The following AKR1B15 variants were observed in gnomAD, a reference collection of about 807,000 sequenced individuals.
AKR1B15 encodes estradiol 17-beta-dehydrogenase AKR1B15.
A neutral mutation model predicts 38.5 loss-of-function variants in AKR1B15; 49 were observed. The observed-to-expected ratio is 1.27, with a 90% CI of 1.01 to 1.62. The LOEUF (loss-of-function observed/expected upper bound fraction) is 1.62, where lower values mean the gene tolerates loss of function less well. Ranked by LOEUF, AKR1B15 falls within the 40% of genes most tolerant of loss-of-function variation. The pLI, the probability that AKR1B15 is intolerant of heterozygous loss-of-function variation, is 0.00. For missense variants in AKR1B15, 411 were observed against 381.6 expected (o/e 1.08, Z -0.64); for synonymous variants, 137 against 135.5 (o/e 1.01, Z -0.08).
chr7:134,559,416 A>C (rs866524377), intron 2 of AKR1B15, among the ~76,000 whole-genome samples: 2 of 152,158 alleles, frequency 1.3e-5, no homozygotes, highest in African/African-American at 2.4e-5. Context: ...AAAAAACTCC[A>C]ACTAGTCCCT....
In AKR1B15 at chr7:134,571,667, T is replaced by C; in HGVS notation, c.499T>C (p.Leu167=). ...GNMISGKGTF[L]DAWEAMEELV... is the part of the protein sequence containing the mutation. ...TATGATCAGTGGAAAAGGAACGTTC[T>C]TGGATGCCTGGGAGGTAGGTTCCAG... The change falls in exon 6 of 12, where the codon TTG becomes CTG. Residue 167 remains leucine, a synonymous_variant. Transcript: ENST00000457545. 2 of 1,613,732 alleles carry C rather than the reference T, an allele frequency of 1.2e-6. No homozygotes were observed. Among genetic ancestry groups the C allele is most frequent in the Non-Finnish European group, 1.7e-6 (2 of 1,179,798 alleles).
intron 2 of AKR1B15, among the ~76,000 whole-genome samples, chr7:134,560,645 T>C (rs1312225649): frequency 2.0e-5 from 3 of 152,178 alleles, no homozygotes; most frequent in African/African-American, 7.2e-5. Context: ...GTGCATCACA[T>C]GAAAATGGTC....
intron 1 of AKR1B15, among the ~76,000 whole-genome samples, chr7:134,549,634 A>G (rs1793896917): frequency 1.3e-5 from 2 of 152,130 alleles, no homozygotes; most frequent in African/African-American, 4.8e-5. Context: ...AGCTCGATCC[A>G]AGCCAGGGGT....
At chr7:134,574,859 C>G (rs1337473993) in intron 6 of AKR1B15, among the ~76,000 whole-genome samples, 4 of 152,182 alleles carry the variant, frequency 2.6e-5, no homozygotes, top group Non-Finnish European at 4.4e-5. Context: ...GGTGCCCCTG[C>G]TAGGGCGTAA....
At position 134,549,185 on chromosome 7, in the gene AKR1B15, G is replaced by A. The variant is rs777231792; in HGVS notation, c.-211G>A. 6 of 152,488 alleles carry A rather than the reference G, an allele frequency of 3.9e-5. No individual in the cohort carries two copies. The highest frequency in any genetic ancestry group is 8.8e-5 in the Non-Finnish European group (6 of 68,090). 9.4% of individuals were successfully genotyped at this position (152,488 alleles called of 1,614,324 possible). On this transcript the variant is annotated 5_prime_UTR_variant, in exon 1 of 12. Coordinates refer to ENST00000457545, the MANE Select transcript of AKR1B15 (RefSeq NM_001080538.3). Reference sequence around the variant, plus strand: ...AGGCCACTGTCTTCTGGAGGGGAACGGATCGACTGCCGGTGCGCCCAGCCA... The same window carrying A: ...AGGCCACTGTCTTCTGGAGGGGAACAGATCGACTGCCGGTGCGCCCAGCCA...
chr7:134,566,453 C>A (rs1319427124), intron 3 of AKR1B15, among the ~76,000 whole-genome samples: 2 of 152,180 alleles, frequency 1.3e-5, no homozygotes, highest in Non-Finnish European at 2.9e-5. Flanking sequence ...GTCGTGAGCT[C>A]CACCCGGCTG....
chr7:134,549,441 T>C (rs571176882), intron 1 of AKR1B15, among the ~76,000 whole-genome samples, 192 bp downstream of exon 1: 2 of 152,248 alleles, frequency 1.3e-5, no homozygotes, highest in Admixed American at 6.5e-5. Context: ...AGATCTCTGT[T>C]TTAGAATGGG....
chr7:134,577,003 T>C lies in AKR1B15; in HGVS notation c.866T>C (p.Ile289Thr). 1 of 1,613,964 alleles carries C rather than the reference T, an allele frequency of 6.2e-7. No individual in the cohort carries two copies. Among genetic ancestry groups the C allele is most frequent in the Non-Finnish European group, 8.5e-7 (1 of 1,179,868 alleles). The change falls in exon 10 of 12, where the codon ATC (isoleucine) becomes ACC (threonine). Residue 289 changes from isoleucine (I) to threonine (T), a missense_variant. Transcript: ENST00000457545. ...CATATCCAGAGGAATGTGACAGTGATCCCCAAGTCTATGACACCAGCACAC... is the reference window on the plus strand; with the variant it reads ...CATATCCAGAGGAATGTGACAGTGACCCCCAAGTCTATGACACCAGCACAC... The part of the protein sequence containing the change: ...RFHIQRNVTV[I>T]PKSMTPAHIV...
intron 2 of AKR1B15, among the ~76,000 whole-genome samples, chr7:134,562,838 CTTTCTTTCTT>C (rs1265691814): frequency 3.8e-4 from 18 of 47,574 alleles, no homozygotes; most frequent in African/African-American, 1.7e-3. Flanking sequence ...CTTTCTCTTT[CTTTCTTTCTT>C]TCTTTCTTTC....
intron 1 of AKR1B15, among the ~76,000 whole-genome samples, chr7:134,552,370 ACT>A (rs1794015575): frequency 1.3e-5 from 2 of 151,670 alleles, no homozygotes; most frequent in Non-Finnish European, 2.9e-5. Context: ...GGCTTTACAG[ACT>A]CTGTTTCCTC....
At chr7:134,576,245 A>T in intron 8 of AKR1B15, 104 bp from the exon 9 acceptor site, 1 of 1,254,746 alleles carries the variant, frequency 8.0e-7, no homozygotes, top group Admixed American at 2.2e-5. Flanking sequence ...TGTCTCCCAG[A>T]TGGAGAGGCT....
At chr7:134,571,510 G>A (rs1162638208) in intron 5 of AKR1B15, 94 bp from the exon 6 acceptor site, 1 of 896,542 alleles carries the variant, frequency 1.1e-6, no homozygotes, top group East Asian at 2.4e-5. Flanking sequence ...ATGCAGATGT[G>A]GTATTTAGCA....
At chr7:134,551,343 C>G (rs975436634) in intron 1 of AKR1B15, among the ~76,000 whole-genome samples, 10 of 152,152 alleles carry the variant, frequency 6.6e-5, no homozygotes, top group Non-Finnish European at 1.5e-5. Flanking sequence ...TTTATGTCCC[C>G]TTCTCTACTT....
chr7:134,574,212 T>C (rs1794717763), intron 6 of AKR1B15, among the ~76,000 whole-genome samples: 1 of 152,162 alleles, frequency 6.6e-6, no homozygotes, highest in South Asian at 2.1e-4. Flanking sequence ...CAAAGCTCAC[T>C]AGTGATTCCA....
intron 6 of AKR1B15, 120 bp downstream of exon 6, chr7:134,571,801 T>A: frequency 1.2e-6 from 1 of 808,074 alleles, no homozygotes; most frequent in Non-Finnish European, 2.0e-6. Flanking sequence ...TGTGATTCTC[T>A]AGCTCTTCTA....
chr7:134,549,429 GGA>G (rs780765023), intron 1 of AKR1B15, among the ~76,000 whole-genome samples, 180 bp downstream of exon 1: 122 of 152,090 alleles, frequency 8.0e-4, no homozygotes, highest in Non-Finnish European at 1.5e-3. Context: ...CAGGTCTCCG[GGA>G]GATCTCTGTT....
Position 134,577,044 on chromosome 7 carries a change from C to G in AKR1B15, c.907C>G (p.Gln303Glu). The G allele has an allele frequency of 6.8e-6, 11 of 1,613,384 alleles. No homozygotes were observed. Among genetic ancestry groups the G allele is most frequent in the Non-Finnish European group, 9.3e-6 (11 of 1,179,424 alleles). ...MTPAHIVENI[Q>E]VFDFKLSDEE... ...ACCAGCACACATTGTTGAGAACATT[C>G]AGGTAAGTTTCCGGCTGGTCGGGCC... Residue 303 changes from glutamine to glutamate, a missense_variant and splice_region_variant, in exon 10 of 12, where the codon CAG (glutamine) becomes GAG (glutamate). Around this residue, in one of 3 missense-constraint regions of AKR1B15, gnomAD observed 133 missense variants for 120.3 expected, o/e 1.11. Transcript: ENST00000457545.
At chr7:134,577,072 G>A (rs1473594671) in intron 10 of AKR1B15, 26 bp downstream of exon 10, 4 of 1,588,444 alleles carry the variant, frequency 2.5e-6, no homozygotes, top group African/African-American at 1.3e-5. Context: ...GTCGGGCCTG[G>A]TATTCCTCAG....
intron 8 of AKR1B15, 25 bp downstream of exon 8, chr7:134,575,952 T>C: frequency 6.2e-7 from 1 of 1,610,040 alleles, no homozygotes; most frequent in Non-Finnish European, 8.5e-7. Flanking sequence ...TGGTGGGTCT[T>C]TCTCTTGATA....
Sources: allele counts gnomAD v4.1 joint callset (sites outside exome capture counted in the v4.1 genomes callset), GRCh38; gene constraint gnomAD v4.1.1; regional missense constraint gnomAD v4.1.1; transcripts MANE v1.5; gene names NCBI Gene and HGNC (gene_info 2026-07-23, HGNC 2026-07-21).